PHAX: variants seen among roughly 807,000 people sequenced by gnomAD.
The protein encoded by PHAX is phosphorylated adaptor for RNA export, also known as phosphorylated adapter RNA export protein.
A neutral mutation model predicts 41.6 loss-of-function variants in PHAX; 31 were observed. The ratio of observed to expected loss-of-function variants is 0.75; its 90% CI spans 0.56 to 1.01. The LOEUF (loss-of-function observed/expected upper bound fraction) is 1.01. Ranked by LOEUF, PHAX falls within the 50% of genes least tolerant of loss-of-function variation. PHAX has a pLI of 0.00. For synonymous variants in PHAX, 175 were observed against 164.9 expected, an observed-to-expected ratio of 1.06 and a Z score of -0.47; for missense variants, 453 against 472.9, an observed-to-expected ratio of 0.96 and a Z score of 0.39.
chr5:126,604,690 T>G (rs1751962910), intron 2 of PHAX, among the ~76,000 whole-genome samples: 1 of 151,924 alleles, frequency 6.6e-6, no homozygotes, highest in Non-Finnish European at 1.5e-5. Context: ...CACCTCAGCT[T>G]CCTGAGTAAC....
At chr5:126,605,401 T>G (rs1751973246) in intron 2 of PHAX, among the ~76,000 whole-genome samples, 1 of 152,058 alleles carries the variant, frequency 6.6e-6, no homozygotes, top group Non-Finnish European at 1.5e-5. Flanking sequence ...TTTCTGTTGG[T>G]TTTTTGTTTA....
intron 1 of PHAX, among the ~76,000 whole-genome samples, chr5:126,602,862 G>A (rs1418975772): frequency 1.3e-5 from 2 of 152,062 alleles, no homozygotes; most frequent in Admixed American, 1.3e-4. Context: ...AAAATTAGCT[G>A]GGCGTGGTGG....
At chr5:126,610,623 A>T (rs1390832802) in intron 3 of PHAX, among the ~76,000 whole-genome samples, 1 of 152,254 alleles carries the variant, frequency 6.6e-6, no homozygotes, top group Non-Finnish European at 1.5e-5. Flanking sequence ...ATATTTTAGT[A>T]CTGTAGTGAT....
At position 126,625,078 on chromosome 5, in the gene PHAX, A is replaced by G. The variant is rs561848594; in HGVS notation, c.*234A>G. 6.4e-6 allele frequency: 3 copies of G among 472,298 alleles called. No homozygotes were observed. Among genetic ancestry groups the G allele is most frequent in the South Asian group, 6.8e-5 (2 of 29,550 alleles). The allele number at this position is 472,298 out of a possible 1,614,324, so 29.3% of individuals were successfully genotyped here. On this transcript the variant is annotated 3_prime_UTR_variant, in exon 5 of 5. Transcript: ENST00000297540. ...AGGATTTAATTTCTCAATCTGTTGC[A>G]TGTGCTAATTATGAGTATTACTAGT...
chr5:126,604,130 C>T lies in PHAX; in HGVS notation c.657C>T (p.Tyr219=), dbSNP rs146174480. ...NRPEMNYKGR[Y]EITAEDSQEK... ...CAGAAATGAACTATAAAGGTCGATA[C>T]GAGATCACAGCGGAAGATTCTCAAG... The change falls in exon 2 of 5, where the codon TAC becomes TAT. Residue 219 remains tyrosine (Y), a synonymous_variant. Transcript: ENST00000297540. 5.1e-6 allele frequency: 8 copies of T among 1,581,904 alleles called. No individual in the cohort carries two copies. Among genetic ancestry groups the T allele is most frequent in the Middle Eastern group, 1.7e-4 (1 of 5,880 alleles).
intron 2 of PHAX, among the ~76,000 whole-genome samples, chr5:126,607,814 A>G (rs762719869): frequency 6.6e-6 from 1 of 152,176 alleles, no homozygotes; most frequent in Non-Finnish European, 1.5e-5. Context: ...TATCTTGTAC[A>G]TTCTTGAGAG....
intron 3 of PHAX, among the ~76,000 whole-genome samples, chr5:126,615,642 T>C (rs1215413209): frequency 6.6e-6 from 1 of 151,874 alleles, no homozygotes; most frequent in Non-Finnish European, 1.5e-5. Context: ...GAAAATATGG[T>C]TAGATAAGCA....
intron 1 of PHAX, among the ~76,000 whole-genome samples, chr5:126,601,662 C>T (rs1403539231): frequency 1.3e-5 from 2 of 152,098 alleles, no homozygotes; most frequent in Non-Finnish European, 2.9e-5. Flanking sequence ...TTTGCATTAG[C>T]CTCTCTGATT....
chr5:126,613,630 T>C (rs1380894620), intron 3 of PHAX, among the ~76,000 whole-genome samples: 2 of 152,062 alleles, frequency 1.3e-5, no homozygotes, highest in Non-Finnish European at 2.9e-5. Context: ...CAGTGAGGCA[T>C]GATCACACCA....
At chr5:126,609,035 G>A (rs553209162) in intron 3 of PHAX, among the ~76,000 whole-genome samples, 55 of 149,496 alleles carry the variant, frequency 3.7e-4, no homozygotes, top group African/African-American at 1.3e-3. Flanking sequence ...ATAAATTATA[G>A]CCTGTTGCCG....
chr5:126,605,025 C>A (rs79495840), intron 2 of PHAX, among the ~76,000 whole-genome samples: 39,669 of 151,204 alleles, frequency 0.26, 6,449 homozygotes, highest in African/African-American at 0.45. Flanking sequence ...CAGAACTAGA[C>A]TCCATCTCAG....
chr5:126,614,127 C>G (rs570026778), intron 3 of PHAX, among the ~76,000 whole-genome samples: 59 of 152,214 alleles, frequency 3.9e-4, no homozygotes, highest in African/African-American at 1.3e-3. Flanking sequence ...TTGAGACAGT[C>G]TTGCTCTGTC....
At chr5:126,602,960 G>A (rs921967889) in intron 1 of PHAX, among the ~76,000 whole-genome samples, 1 of 150,092 alleles carries the variant, frequency 6.7e-6, no homozygotes, top group Non-Finnish European at 1.5e-5. Context: ...AGCCGAGATC[G>A]CGCCACTGCA....
chr5:126,619,283 T>G lies in PHAX; in HGVS notation c.915+1950T>G. Among the ~76,000 whole-genome samples, 2 of 151,858 alleles carry G rather than the reference T, an allele frequency of 1.3e-5. 1 individual carries two copies. Among genetic ancestry groups the G allele is most frequent in the African/African-American group, 4.8e-5 (2 of 41,366 alleles). On this transcript the variant is annotated intron_variant, in intron 4 of 4. Coordinates refer to ENST00000297540, the MANE Select transcript of PHAX (RefSeq NM_032177.4). The stretch of plus-strand genomic sequence containing the variant: ...TTCATGATTTAGACCTTTTGAAGAG[T>G]TAAAGATGGTTAGGTCAGGCGTGGT...
intron 4 of PHAX, among the ~76,000 whole-genome samples, chr5:126,618,624 A>C (rs993327173): frequency 9.5e-5 from 14 of 146,800 alleles, no homozygotes; most frequent in Admixed American, 2.7e-4. Context: ...TTTTTAATTA[A>C]ATTTTTTTTT....
At chr5:126,616,222 A>G (rs1271770339) in intron 3 of PHAX, among the ~76,000 whole-genome samples, 18 of 152,050 alleles carry the variant, frequency 1.2e-4, no homozygotes, top group Non-Finnish European at 2.6e-4. Flanking sequence ...CCTCCCAAGT[A>G]GCTGGGATTA....
chr5:126,604,249 T>TGCCAAATA, intron 2 of PHAX, 66 bp downstream of exon 2: 1 of 1,234,566 alleles, frequency 8.1e-7, no homozygotes, highest in Non-Finnish European at 1.1e-6. Flanking sequence ...ATAAAATGAA[T>TGCCAAATA]GCCAAATACT....
At chr5:126,623,404 G>C (rs954755680) in intron 4 of PHAX, among the ~76,000 whole-genome samples, 2 of 152,170 alleles carry the variant, frequency 1.3e-5, no homozygotes, top group Non-Finnish European at 2.9e-5. Flanking sequence ...AACAAGGATA[G>C]TTAACTACCT....
chr5:126,606,612 T>A (rs1751990452), intron 2 of PHAX, among the ~76,000 whole-genome samples: 2 of 152,304 alleles, frequency 1.3e-5, no homozygotes, highest in South Asian at 4.1e-4. Context: ...GTTATGAACC[T>A]TCACATCCAG....
Sources: allele counts gnomAD v4.1 joint callset (sites outside exome capture counted in the v4.1 genomes callset), GRCh38; gene constraint gnomAD v4.1.1; transcripts MANE v1.5; gene names NCBI Gene and HGNC (gene_info 2026-07-23, HGNC 2026-07-21).